CDH4: variants seen among roughly 807,000 people sequenced by gnomAD.
CDH4 encodes cadherin 4.
CDH4 carries 33 observed loss-of-function variants against 86.0 expected under a neutral mutation model. The observed-to-expected ratio is 0.38, with a 90% CI of 0.29 to 0.51. CDH4 has a LOEUF of 0.51. Ranked by LOEUF, CDH4 falls within the 20% of genes least tolerant of loss-of-function variation. The pLI is 0.86. For missense variants in CDH4, 1,114 were observed against 1,307.4 expected (o/e 0.85, Z 2.28); for synonymous variants, 555 against 549.4 (o/e 1.01, Z -0.14).
intron 2 of CDH4, among the ~76,000 whole-genome samples, chr20:61,511,095 A>G (rs570579522): frequency 1.1e-4 from 16 of 152,350 alleles, no homozygotes; most frequent in Non-Finnish European, 2.2e-4. Flanking sequence ...CCCACCTCCA[A>G]CACTGGGGAT....
Position 61,681,149 on chromosome 20 carries a change from T to G in CDH4, c.170-62414T>G, listed in dbSNP as rs2087508554. On this transcript the variant is annotated intron_variant, in intron 2 of 15. Transcript: ENST00000614565. The surrounding 1 kb of genome is among the most constrained non-coding windows in gnomAD (Gnocchi z 4.5). ...CCTCCAGAATTCAAGAAAATGTCTCTGCAAGGGTAAAACACCCGCCCTCAC... is the reference window on the plus strand; with the variant it reads ...CCTCCAGAATTCAAGAAAATGTCTCGGCAAGGGTAAAACACCCGCCCTCAC... Among the ~76,000 whole-genome samples, 1 of 152,224 alleles carries G rather than the reference T, an allele frequency of 6.6e-6. No individual in the cohort carries two copies. Among genetic ancestry groups the G allele is most frequent in the South Asian group, 2.1e-4 (1 of 4,832 alleles).
intron 11 of CDH4, among the ~76,000 whole-genome samples, chr20:61,926,411 C>A (rs2095873544): frequency 6.6e-6 from 1 of 152,236 alleles, no homozygotes; most frequent in Admixed American, 6.5e-5. Flanking sequence ...ACCCCCCTGC[C>A]AGCCTCCCCC....
At chr20:61,484,594 G>T (rs1319159292) in intron 2 of CDH4, among the ~76,000 whole-genome samples, 3 of 152,228 alleles carry the variant, frequency 2.0e-5, no homozygotes, top group African/African-American at 7.2e-5. Context: ...GCTTCACGCA[G>T]TCAGTCAGGA....
chr20:61,338,573 T>G (rs2084632591), intron 2 of CDH4, among the ~76,000 whole-genome samples: 1 of 152,196 alleles, frequency 6.6e-6, no homozygotes, highest in Non-Finnish European at 1.5e-5. Context: ...TGCCTGGTCC[T>G]CTGACCTGGA....
At chr20:61,438,046 GTTTTATTTTCA>G (rs1281186305) in intron 2 of CDH4, among the ~76,000 whole-genome samples, 1 of 152,170 alleles carries the variant, frequency 6.6e-6, no homozygotes, top group Non-Finnish European at 1.5e-5. Context: ...CTCCAACAAC[GTTTTATTTTCA>G]CAAACAGTGC....
chr20:61,691,810 A>C (rs1021320384), intron 2 of CDH4, among the ~76,000 whole-genome samples: 2 of 152,248 alleles, frequency 1.3e-5, no homozygotes, highest in African/African-American at 4.8e-5. Flanking sequence ...CACCGTGTCT[A>C]TGGTCTGTCA....
At chr20:61,458,352 T>C (rs1255127036) in intron 2 of CDH4, among the ~76,000 whole-genome samples, 3 of 140,970 alleles carry the variant, frequency 2.1e-5, no homozygotes, top group Non-Finnish European at 4.8e-5. Context: ...AGGGCAGTGC[T>C]GACGCTGTGG....
chr20:61,726,939 C>CA (rs1274403079), intron 2 of CDH4, among the ~76,000 whole-genome samples: 1 of 152,074 alleles, frequency 6.6e-6, no homozygotes, highest in Non-Finnish European at 1.5e-5. Flanking sequence ...CTGCCATCAT[C>CA]ACCATCAGAG....
intron 4 of CDH4, among the ~76,000 whole-genome samples, chr20:61,844,271 T>C (rs1437168612): frequency 6.6e-6 from 1 of 152,174 alleles, no homozygotes; most frequent in Non-Finnish European, 1.5e-5. Flanking sequence ...GGGACACACA[T>C]GCATTGGGTC....
At chr20:61,771,412 T>C (rs1184938465) in intron 3 of CDH4, among the ~76,000 whole-genome samples, 1 of 151,288 alleles carries the variant, frequency 6.6e-6, no homozygotes, top group Non-Finnish European at 1.5e-5. Flanking sequence ...TTACCGGAGG[T>C]CGGGAGTTTG....
At chr20:61,680,173 G>A (rs1000106322) in intron 2 of CDH4, among the ~76,000 whole-genome samples, 6 of 152,146 alleles carry the variant, frequency 3.9e-5, no homozygotes, top group African/African-American at 1.4e-4. Context: ...AGGACCAGGG[G>A]CTCCACCATA....
chr20:61,513,146 A>T (rs2427148), intron 2 of CDH4, among the ~76,000 whole-genome samples: 86,768 of 152,024 alleles, frequency 0.57, 25,607 homozygotes, highest in African/African-American at 0.71. Flanking sequence ...CACAGCCAGC[A>T]GCTGCCATTG....
In CDH4 at chr20:61,316,968, G is replaced by A. The variant is rs565537594; in HGVS notation, c.169+62031G>A. 1.1e-4 allele frequency among the ~76,000 whole-genome samples: 17 copies of A among 152,158 alleles called. No homozygotes were observed. The South Asian group carries it at 1.2e-3, about 11-fold the overall frequency. On this transcript the variant is annotated intron_variant, in intron 2 of 15. Coordinates refer to ENST00000614565, the MANE Select transcript of CDH4 (RefSeq NM_001794.5). The stretch of plus-strand genomic sequence containing the variant: ...ACGTCTGGCAGCAGCCTTTAAAGAC[G>A]TGCCTTGCAGTGGAGTGATAAGTCT...
chr20:61,633,215 CTTCATTCA>C (rs1211484054), intron 2 of CDH4, among the ~76,000 whole-genome samples: 1 of 150,890 alleles, frequency 6.6e-6, no homozygotes, highest in African/African-American at 2.4e-5. Flanking sequence ...CCTTCCATCT[CTTCATTCA>C]TTCATTCATC....
At chr20:61,550,264 G>A (rs1467475777) in intron 2 of CDH4, among the ~76,000 whole-genome samples, 1 of 131,818 alleles carries the variant, frequency 7.6e-6, no homozygotes, top group Non-Finnish European at 1.6e-5. Flanking sequence ...TGCCTCCCTG[G>A]CCTCCCTAGC....
chr20:61,310,030 C>T (rs1033765951), intron 2 of CDH4, among the ~76,000 whole-genome samples: 4 of 152,148 alleles, frequency 2.6e-5, no homozygotes, highest in African/African-American at 9.7e-5. Context: ...CTGCGGCTTA[C>T]AGAAATGGGT....
At chr20:61,423,891 A>G (rs2085194278) in intron 2 of CDH4, among the ~76,000 whole-genome samples, 1 of 147,862 alleles carries the variant, frequency 6.8e-6, no homozygotes, top group Admixed American at 6.7e-5. Context: ...TCAGCCTCAT[A>G]CCTTGTCACT....
chr20:61,558,995 C>T (rs1395093952), intron 2 of CDH4, among the ~76,000 whole-genome samples: 2 of 152,200 alleles, frequency 1.3e-5, no homozygotes, highest in East Asian at 3.9e-4. Flanking sequence ...TCCTGTTAGG[C>T]AGACCTGAAA....
At chr20:61,465,277 AT>A (rs1392976977) in intron 2 of CDH4, among the ~76,000 whole-genome samples, 1 of 152,046 alleles carries the variant, frequency 6.6e-6, no homozygotes, top group African/African-American at 2.4e-5. Flanking sequence ...GAAGAATGGG[AT>A]TTTTGTTGGA....
Sources: allele counts gnomAD v4.1 joint callset (sites outside exome capture counted in the v4.1 genomes callset), GRCh38; gene constraint gnomAD v4.1.1; non-coding constraint Gnocchi (gnomAD v3.1); transcripts MANE v1.5; gene names NCBI Gene and HGNC (gene_info 2026-07-23, HGNC 2026-07-21).